WDFY4: variants seen among roughly 807,000 people sequenced by gnomAD.
The protein encoded by WDFY4 is WDFY family member 4.
Under a neutral mutation model 351.9 loss-of-function variants are expected in WDFY4, and 169 were observed. The ratio of observed to expected loss-of-function variants is 0.48; its 90% CI spans 0.42 to 0.55. The LOEUF (loss-of-function observed/expected upper bound fraction) is 0.55. WDFY4 is among the 20% of genes least tolerant of loss of function. The pLI is 0.00. For synonymous variants in WDFY4, 1,622 were observed against 1,574.6 expected (o/e 1.03, Z -0.71); for missense variants, 3,803 against 3,935.6 (o/e 0.97, Z 0.90).
In WDFY4 at chr10:48,924,657, G is replaced by C. The variant is rs868819306; in HGVS notation, c.7587-17149G>C. Among the ~76,000 whole-genome samples the C allele has an allele frequency of 5.9e-5, 9 of 152,284 alleles. 1 individual carries two copies. The South Asian group carries it at 1.9e-3, about 32-fold the overall frequency. Reference sequence around the variant, plus strand: ...TACTTTGGAAAAAGTGGCCCAGTTGGTTTGACTTTAATTTCTAATTAATTT... The same window carrying C: ...TACTTTGGAAAAAGTGGCCCAGTTGCTTTGACTTTAATTTCTAATTAATTT... On this transcript the variant is annotated intron_variant, in intron 47 of 61. Coordinates refer to ENST00000325239, the MANE Select transcript of WDFY4 (RefSeq NM_001394531.1).
In WDFY4 at chr10:48,976,996, C is replaced by A; in HGVS notation, c.9291+17C>A. Reference sequence around the variant, plus strand: ...ATGGTCCGGGTAGGTGTGTCTTGGGCAGAATGAGGACATGACACAAGAAAC... The same window carrying A: ...ATGGTCCGGGTAGGTGTGTCTTGGGAAGAATGAGGACATGACACAAGAAAC... On this transcript the variant is annotated intron_variant, in intron 59 of 61. Transcript: ENST00000325239. 1 of 1,372,842 alleles carries A rather than the reference C, an allele frequency of 7.3e-7. No individual in the cohort carries two copies. The highest frequency in any genetic ancestry group is 9.5e-7 in the Non-Finnish European group (1 of 1,049,468). The allele number at this position is 1,372,842 out of a possible 1,614,324, so 85.0% of individuals were successfully genotyped here. A position where few individuals can be genotyped will look rare whatever the true frequency, so the allele number is the denominator to read the frequency against.
chr10:48,923,979 C>G (rs2133611301), intron 47 of WDFY4, among the ~76,000 whole-genome samples: 2 of 152,320 alleles, frequency 1.3e-5, no homozygotes, highest in Admixed American at 1.3e-4. Flanking sequence ...AGAAGCCCTC[C>G]CAGCTCTGAT....
chr10:48,824,191 C>T (rs1196025428), intron 35 of WDFY4: 21 of 985,274 alleles, frequency 2.1e-5, no homozygotes, highest in East Asian at 2.3e-4. Context: ...TGGTTAAGAG[C>T]GTGGCTTAAG....
intron 47 of WDFY4, among the ~76,000 whole-genome samples, chr10:48,930,108 A>C (rs1417358409): frequency 1.3e-5 from 2 of 151,878 alleles, no homozygotes; most frequent in African/African-American, 4.8e-5. Flanking sequence ...CTTGGTCAAT[A>C]CTAGTTTAAT....
At chr10:48,782,128 G>A (rs1173021980) in intron 19 of WDFY4, among the ~76,000 whole-genome samples, 1 of 152,230 alleles carries the variant, frequency 6.6e-6, no homozygotes, top group Non-Finnish European at 1.5e-5. Context: ...TAGAGACACG[G>A]AACAGGGCTG....
chr10:48,795,753 C>T lies in WDFY4; in HGVS notation c.4258-545C>T, dbSNP rs117892581. Among the ~76,000 whole-genome samples, 26 of 151,950 alleles carry T rather than the reference C, an allele frequency of 1.7e-4. No homozygotes were observed. In the East Asian group the frequency reaches 3.5e-3, roughly 20 times the overall value. Reference sequence around the variant, plus strand: ...CAATGGATGGCTGGGCAGACTGACTCGTGTGGGGCTGCAGTCAACAGAGAT... The same window carrying T: ...CAATGGATGGCTGGGCAGACTGACTTGTGTGGGGCTGCAGTCAACAGAGAT... On this transcript the variant is annotated intron_variant, in intron 23 of 61. Transcript: ENST00000325239.
intron 12 of WDFY4, among the ~76,000 whole-genome samples, chr10:48,756,673 G>T (rs1046262315): frequency 6.6e-6 from 1 of 151,998 alleles, no homozygotes; most frequent in Non-Finnish European, 1.5e-5. Context: ...ATCATGAGCA[G>T]ATTTTTAATC....
rs183254168 is a variant in WDFY4, at chr10:48,803,532, G to A, written c.4484+173G>A. Among the ~76,000 whole-genome samples the A allele has an allele frequency of 1.6e-4, 24 of 152,128 alleles. No homozygotes were observed. The South Asian group carries it at 2.1e-3, about 13-fold the overall frequency. On this transcript the variant is annotated intron_variant, in intron 25 of 61. Coordinates refer to ENST00000325239, the MANE Select transcript of WDFY4 (RefSeq NM_001394531.1). ...TGGGGCAGTCTCCTCTCATGGTCTC[G>A]GGCCTCAGGAGGGCAGATGCTGGGG...
At chr10:48,867,177 A>AAAATAAAAT in intron 39 of WDFY4, 88 bp from the exon 40 acceptor site, 1 of 389,112 alleles carries the variant, frequency 2.6e-6, no homozygotes, top group African/African-American at 2.3e-5. Context: ...CTCAAAAAAT[A>AAAATAAAAT]AAATAAAATA....
In WDFY4 at chr10:48,929,266, G is replaced by A. The variant is rs565596203; in HGVS notation, c.7587-12540G>A. On this transcript the variant is annotated intron_variant, in intron 47 of 61. Transcript: ENST00000325239. ...AGGAAGAAAGAAGGAAGGAGGAAAG[G>A]AAGGGAGGGTGGGAGGAGGCACAAT... is the stretch of plus-strand genomic sequence containing the variant. 1.1e-4 allele frequency among the ~76,000 whole-genome samples: 17 copies of A among 152,148 alleles called. No individual in the cohort carries two copies. In the East Asian group the frequency reaches 2.3e-3, roughly 21 times the overall value.
In WDFY4 at chr10:48,826,803, C is replaced by G. The variant is rs1212899361; in HGVS notation, c.6115C>G (p.Leu2039Val). The change falls in exon 36 of 62, where the codon CTG becomes GTG. Residue 2039 changes from leucine (L) to valine (V), a missense_variant. Physicochemically the swap from Leu to Val is conservative, Grantham distance 32. Coordinates refer to ENST00000325239, the MANE Select transcript of WDFY4 (RefSeq NM_001394531.1). The stretch of plus-strand genomic sequence containing the variant: ...CGAATGCCTCGGCCTTCTCAGCATC[C>G]TGGGCTTTCTGCAGGAGCACTGGGA... Reference protein sequence around the residue: ...LSECLGLLSILGFLQEHWDVV... With the variant: ...LSECLGLLSIVGFLQEHWDVV... The G allele has an allele frequency of 2.6e-6, 4 of 1,551,826 alleles. No homozygotes were observed. Among genetic ancestry groups the G allele is most frequent in the Non-Finnish European group, 3.5e-6 (4 of 1,147,044 alleles).
chr10:48,830,956 A>T (rs1238858272), intron 38 of WDFY4, 71 bp downstream of exon 38: 8 of 1,465,452 alleles, frequency 5.5e-6, no homozygotes, highest in Non-Finnish European at 7.3e-6. Context: ...GCAAGGTTCA[A>T]CTCAGTGCCT....
intron 39 of WDFY4, among the ~76,000 whole-genome samples, chr10:48,840,067 T>C (rs1263665020): frequency 6.6e-6 from 1 of 152,214 alleles, no homozygotes; most frequent in Non-Finnish European, 1.5e-5. Context: ...TCCATTATGC[T>C]CTGATTATGG....
In WDFY4 at chr10:48,982,402, C is replaced by T. The variant is rs1383185509; in HGVS notation, c.9489-107C>T. Reference sequence around the variant, plus strand: ...CAAGGGAGACAAGACCAGGGGCAAGCTCCGCTGGGCCCCAGATAGAGCCCC... The same window carrying T: ...CAAGGGAGACAAGACCAGGGGCAAGTTCCGCTGGGCCCCAGATAGAGCCCC... On this transcript the variant is annotated intron_variant, in intron 61 of 61. Transcript: ENST00000325239. The T allele has an allele frequency of 2.1e-5, 21 of 989,676 alleles. No individual in the cohort carries two copies. The East Asian group carries it at 5.9e-4, about 28-fold the overall frequency. 61.3% of individuals were successfully genotyped at this position (989,676 alleles called of 1,614,324 possible).
At chr10:48,775,388 G>A (rs1044773929) in intron 14 of WDFY4, among the ~76,000 whole-genome samples, 4 of 152,214 alleles carry the variant, frequency 2.6e-5, no homozygotes, top group East Asian at 1.9e-4. Flanking sequence ...GGGCGGGCAC[G>A]ACAGCTGCCA....
At chr10:48,732,127 C>A (rs1009847090) in intron 9 of WDFY4, among the ~76,000 whole-genome samples, 1 of 152,196 alleles carries the variant, frequency 6.6e-6, no homozygotes, top group African/African-American at 2.4e-5. Context: ...ATCCCAATAG[C>A]CTCTGCTGTC....
At chr10:48,883,609 T>G (rs1383322489) in intron 43 of WDFY4, among the ~76,000 whole-genome samples, 3 of 151,844 alleles carry the variant, frequency 2.0e-5, no homozygotes, top group South Asian at 2.1e-4. Flanking sequence ...TACAACAGAG[T>G]CCCCACTCCT....
intron 12 of WDFY4, among the ~76,000 whole-genome samples, chr10:48,758,787 C>A (rs1444142865): frequency 1.3e-5 from 2 of 151,996 alleles, no homozygotes; most frequent in Non-Finnish European, 2.9e-5. Flanking sequence ...TTCTGTTTTT[C>A]ATTTATTTGA....
At chr10:48,704,787 C>T in intron 1 of WDFY4, among the ~76,000 whole-genome samples, 1 of 152,224 alleles carries the variant, frequency 6.6e-6, no homozygotes, top group Non-Finnish European at 1.5e-5. Context: ...TCTCTGCTCC[C>T]ACCTCAGTAC....
Sources: allele counts gnomAD v4.1 joint callset (sites outside exome capture counted in the v4.1 genomes callset), GRCh38; gene constraint gnomAD v4.1.1; transcripts MANE v1.5; gene names NCBI Gene and HGNC (gene_info 2026-07-23, HGNC 2026-07-21).